The following PCCA variants were observed in gnomAD, a reference collection of about 807,000 sequenced individuals.
PCCA encodes the protein propionyl-CoA carboxylase subunit alpha, also known as propionyl-CoA carboxylase alpha chain, mitochondrial.
PCCA carries 74 observed loss-of-function variants against 101.3 expected under a neutral mutation model. That is an observed-to-expected ratio of 0.73 (90% CI 0.61 to 0.89). The LOEUF (loss-of-function observed/expected upper bound fraction) is 0.89, where lower values mean the gene tolerates loss of function less well. Ranked by LOEUF, PCCA falls within the 40% of genes least tolerant of loss-of-function variation. PCCA has a pLI of 0.00. For synonymous variants in PCCA, 294 were observed against 313.6 expected (o/e 0.94, Z 0.66); for missense variants, 891 against 907.0 (o/e 0.98, Z 0.23).
chr13:100,508,730 CA>C (rs1216485330), intron 21 of PCCA, among the ~76,000 whole-genome samples: 2 of 152,164 alleles, frequency 1.3e-5, no homozygotes, highest in Non-Finnish European at 2.9e-5. Context: ...AAGGTCTAAA[CA>C]AGTGATTAAT....
At position 100,101,049 on chromosome 13, in the gene PCCA, C is replaced by T. The variant is rs565151203; in HGVS notation, c.106-1834C>T. ...AACTCCCAACCTCAAGTGATCTGCC[C>T]GCCTCAGCCTCCCAAAGTGTTGGGA... On this transcript the variant is annotated intron_variant, in intron 1 of 23. Coordinates refer to ENST00000376285, the MANE Select transcript of PCCA (RefSeq NM_000282.4). Among the ~76,000 whole-genome samples the T allele has an allele frequency of 1.1e-4, 17 of 152,210 alleles. No homozygotes were observed. The South Asian group carries it at 2.3e-3, about 20-fold the overall frequency.
intron 4 of PCCA, among the ~76,000 whole-genome samples, chr13:100,141,258 C>T (rs938604665): frequency 1.3e-5 from 2 of 152,186 alleles, no homozygotes; most frequent in Admixed American, 6.5e-5. Context: ...TCTATACTGG[C>T]ACCTTTCACA....
intron 21 of PCCA, among the ~76,000 whole-genome samples, chr13:100,452,411 C>T (rs1312086087): frequency 1.3e-5 from 2 of 152,108 alleles, no homozygotes; most frequent in African/African-American, 4.8e-5. Context: ...CCTTTGAAAA[C>T]ATCCCTTGGT....
intron 18 of PCCA, among the ~76,000 whole-genome samples, chr13:100,366,706 G>C (rs1254999261): frequency 6.6e-6 from 1 of 151,882 alleles, no homozygotes; most frequent in Non-Finnish European, 1.5e-5. Flanking sequence ...TCTGTGTGAG[G>C]CTCTATCCCC....
At chr13:100,429,942 A>G (rs2079419238) in intron 20 of PCCA, among the ~76,000 whole-genome samples, 1 of 152,044 alleles carries the variant, frequency 6.6e-6, no homozygotes, top group Non-Finnish European at 1.5e-5. Context: ...AAGCTAAAGA[A>G]TGACCCAATG....
At position 100,457,071 on chromosome 13, in the gene PCCA, A is replaced by G. The variant is rs191049470; in HGVS notation, c.1899+7766A>G. On this transcript the variant is annotated intron_variant, in intron 21 of 23. Transcript: ENST00000376285. The stretch of plus-strand genomic sequence containing the variant: ...CTTGCCTTCTAGGTCACTTCTCACA[A>G]TGTCCCTTCAGCACCTGACCCTATG... Among the ~76,000 whole-genome samples, 5 of 152,200 alleles carry G rather than the reference A, an allele frequency of 3.3e-5. No individual in the cohort carries two copies. In the East Asian group the frequency reaches 7.7e-4, roughly 24 times the overall value.
At chr13:100,378,596 A>G (rs2076054828) in intron 19 of PCCA, among the ~76,000 whole-genome samples, 2 of 152,160 alleles carry the variant, frequency 1.3e-5, no homozygotes, top group Admixed American at 1.3e-4. Context: ...TGTGTCCCAT[A>G]TATCATGAAA....
chr13:100,475,659 C>T (rs1483750798), intron 21 of PCCA, among the ~76,000 whole-genome samples: 3 of 152,070 alleles, frequency 2.0e-5, no homozygotes, highest in South Asian at 2.1e-4. Flanking sequence ...GGGTGTATAC[C>T]TAGAAGTGGA....
At position 100,171,949 on chromosome 13, in the gene PCCA, G is replaced by A. The variant is rs563715058; in HGVS notation, c.468+14609G>A. Among the ~76,000 whole-genome samples the A allele has an allele frequency of 4.6e-5, 7 of 151,348 alleles. No individual in the cohort carries two copies. In the South Asian group the frequency reaches 1.3e-3, roughly 27 times the overall value. On this transcript the variant is annotated intron_variant, in intron 6 of 23. Coordinates refer to ENST00000376285, the MANE Select transcript of PCCA (RefSeq NM_000282.4). ...CGGGAGGCTGAGGCAGGAGAATGGC[G>A]TGAACACAGGAGGCAGAGCTTGCAG...
At chr13:100,326,219 G>A (rs1255802555) in intron 16 of PCCA, among the ~76,000 whole-genome samples, 1 of 152,176 alleles carries the variant, frequency 6.6e-6, no homozygotes, top group African/African-American at 2.4e-5. Flanking sequence ...GACATAAAAG[G>A]TGGAGTGGGG....
At chr13:100,332,515 T>TAC (rs970241140) in intron 17 of PCCA, among the ~76,000 whole-genome samples, 17 of 152,138 alleles carry the variant, frequency 1.1e-4, no homozygotes, top group African/African-American at 2.9e-4. Flanking sequence ...TATATATATA[T>TAC]ACACACACAC....
intron 16 of PCCA, among the ~76,000 whole-genome samples, chr13:100,321,591 CTGTGTGTGTGTGTGTG>C (rs35931512): frequency 2.4e-4 from 32 of 132,010 alleles, no homozygotes; most frequent in South Asian, 5.5e-4. Context: ...TATAGAAGAT[CTGTGTGTGTGTGTGTG>C]TGTGTGTGTG....
intron 21 of PCCA, among the ~76,000 whole-genome samples, chr13:100,463,440 T>C (rs2082310454): frequency 6.6e-6 from 1 of 150,870 alleles, no homozygotes; most frequent in South Asian, 2.1e-4. Flanking sequence ...CAATTCTATG[T>C]ATTGGGCAGA....
intron 16 of PCCA, among the ~76,000 whole-genome samples, chr13:100,320,443 A>G (rs1303533245): frequency 6.6e-6 from 1 of 152,204 alleles, no homozygotes; most frequent in African/African-American, 2.4e-5. Flanking sequence ...CCCATTCAGT[A>G]TGATATTGGC....
At chr13:100,145,363 C>G (rs1427111305) in intron 4 of PCCA, among the ~76,000 whole-genome samples, 1 of 152,116 alleles carries the variant, frequency 6.6e-6, no homozygotes, top group East Asian at 1.9e-4. Flanking sequence ...AGTCGTGTCC[C>G]CTCAGGCCCC....
intron 4 of PCCA, among the ~76,000 whole-genome samples, chr13:100,126,268 T>C (rs1415939008): frequency 6.6e-6 from 1 of 152,148 alleles, no homozygotes; most frequent in African/African-American, 2.4e-5. Flanking sequence ...CTGTGATTTG[T>C]GTTTATAGTA....
intron 21 of PCCA, among the ~76,000 whole-genome samples, chr13:100,510,001 A>T (rs904913514): frequency 1.3e-5 from 2 of 152,212 alleles, no homozygotes; most frequent in Non-Finnish European, 2.9e-5. Flanking sequence ...AGCTCTGACT[A>T]TTGAAAACTA....
intron 18 of PCCA, among the ~76,000 whole-genome samples, chr13:100,351,328 A>G (rs2073243401): frequency 1.3e-5 from 2 of 152,156 alleles, no homozygotes; most frequent in Admixed American, 1.3e-4. Flanking sequence ...AGTGGTTTAG[A>G]GATTGTCAGT....
rs531469612 is a variant in PCCA, at chr13:100,155,111, A to T, written c.414+19A>T. On this transcript the variant is annotated intron_variant, in intron 5 of 23. Transcript: ENST00000376285. Reference sequence around the variant, plus strand: ...CCAAGCTGTGAGTCTGAATGAATCTATCTACTGCAGCTGTTTCATATGTAG... The same window carrying T: ...CCAAGCTGTGAGTCTGAATGAATCTTTCTACTGCAGCTGTTTCATATGTAG... 5 of 1,444,236 alleles carry T rather than the reference A, an allele frequency of 3.5e-6. No homozygotes were observed. In the South Asian group the frequency reaches 5.7e-5, roughly 16 times the overall value. 89.5% of individuals were successfully genotyped at this position (1,444,236 alleles called of 1,614,324 possible).
Sources: allele counts gnomAD v4.1 joint callset (sites outside exome capture counted in the v4.1 genomes callset), GRCh38; gene constraint gnomAD v4.1.1; transcripts MANE v1.5; gene names NCBI Gene and HGNC (gene_info 2026-07-23, HGNC 2026-07-21).